The following EPHA5 variants were observed in gnomAD, a reference collection of about 807,000 sequenced individuals.
EPHA5 encodes ephrin type-A receptor 5.
A neutral mutation model predicts 105.0 loss-of-function variants in EPHA5; 60 were observed. That is an observed-to-expected ratio of 0.57 (90% CI 0.46 to 0.71). EPHA5 has a LOEUF of 0.71. Ranked by LOEUF, EPHA5 falls within the 30% of genes least tolerant of loss-of-function variation. The probability of loss-of-function intolerance (pLI) is 0.00; values close to 1 mark genes in which losing one functional copy is unlikely to be tolerated. For missense variants in EPHA5, 1,218 were observed against 1,274.7 expected, an observed-to-expected ratio of 0.96 and a Z score of 0.68; for synonymous variants, 513 against 449.1, an observed-to-expected ratio of 1.14 and a Z score of -1.80.
At chr4:65,399,468 G>A (rs78922971) in intron 8 of EPHA5, among the ~76,000 whole-genome samples, 2,538 of 152,300 alleles carry the variant, frequency 0.017, 61 homozygotes, top group African/African-American at 0.058. Context: ...CAAAACTCAG[G>A]CAAAGGTGCC....
chr4:65,353,793 C>G (rs1723052872), intron 11 of EPHA5, among the ~76,000 whole-genome samples: 1 of 151,714 alleles, frequency 6.6e-6, no homozygotes, highest in Admixed American at 6.6e-5. Context: ...AACTCCTTTC[C>G]TTATGGCTAC....
chr4:65,617,503 A>G (rs1052760580), intron 2 of EPHA5, among the ~76,000 whole-genome samples: 1 of 152,162 alleles, frequency 6.6e-6, no homozygotes, highest in African/African-American at 2.4e-5. Context: ...CTTTACTGGT[A>G]GTGTACTGGG....
intron 5 of EPHA5, among the ~76,000 whole-genome samples, chr4:65,447,748 A>G (rs1481687457): frequency 1.3e-5 from 2 of 151,990 alleles, no homozygotes; most frequent in Admixed American, 6.6e-5. Context: ...ACTAAAAACA[A>G]TTGGGAATTT....
intron 3 of EPHA5, among the ~76,000 whole-genome samples, chr4:65,497,611 C>T (rs1001909316): frequency 6.6e-6 from 1 of 151,932 alleles, no homozygotes; most frequent in Non-Finnish European, 1.5e-5. Context: ...ACACTATTTG[C>T]TTTCAAAGAC....
intron 8 of EPHA5, among the ~76,000 whole-genome samples, chr4:65,398,219 G>C (rs571846879): frequency 6.6e-6 from 1 of 152,168 alleles, no homozygotes; most frequent in African/African-American, 2.4e-5. Context: ...TCTGATTTTG[G>C]AGCAAAGTTG....
intron 3 of EPHA5, among the ~76,000 whole-genome samples, chr4:65,579,317 A>AG (rs1478376913): frequency 1.4e-4 from 21 of 148,298 alleles, no homozygotes; most frequent in Non-Finnish European, 2.4e-4. Context: ...TGTAATTGAG[A>AG]GGGGAATAAC....
At chr4:65,366,305 A>C (rs1281295432) in intron 9 of EPHA5, among the ~76,000 whole-genome samples, 1 of 151,810 alleles carries the variant, frequency 6.6e-6, no homozygotes, top group Non-Finnish European at 1.5e-5. Context: ...TCTCAATCAT[A>C]ATACTTAGAA....
chr4:65,471,728 C>A (rs746010258), intron 5 of EPHA5, among the ~76,000 whole-genome samples: 1 of 152,110 alleles, frequency 6.6e-6, no homozygotes, highest in Non-Finnish European at 1.5e-5. Context: ...TTTTTCATCA[C>A]TCACTATCAC....
chr4:65,333,358 A>G (rs539497735), intron 15 of EPHA5, among the ~76,000 whole-genome samples: 66 of 151,846 alleles, frequency 4.3e-4, no homozygotes, highest in African/African-American at 1.4e-3. Flanking sequence ...ACTCTAGTTG[A>G]GATGGTCAAT....
At chr4:65,646,620 C>G (rs1355664678) in intron 1 of EPHA5, among the ~76,000 whole-genome samples, 4 of 152,024 alleles carry the variant, frequency 2.6e-5, no homozygotes, top group Admixed American at 2.0e-4. Flanking sequence ...TGTTATATAC[C>G]TATTGATGCC....
At chr4:65,634,431 G>C (rs1027273685) in intron 2 of EPHA5, among the ~76,000 whole-genome samples, 1 of 151,938 alleles carries the variant, frequency 6.6e-6, no homozygotes, top group Admixed American at 6.6e-5. Flanking sequence ...CAGAAGCAGA[G>C]AAGAACATTT....
chr4:65,395,280 C>T (rs1721105143), intron 8 of EPHA5, among the ~76,000 whole-genome samples: 1 of 152,126 alleles, frequency 6.6e-6, no homozygotes, highest in South Asian at 2.1e-4. Context: ...AGTTTGACTA[C>T]TTATCACGCT....
chr4:65,511,154 C>A (rs1733587672), intron 3 of EPHA5, among the ~76,000 whole-genome samples: 1 of 152,118 alleles, frequency 6.6e-6, no homozygotes, highest in African/African-American at 2.4e-5. Flanking sequence ...TAAATTTCTG[C>A]TGCTTAAGCC....
chr4:65,580,667 C>T (rs1741526215), intron 3 of EPHA5, among the ~76,000 whole-genome samples: 1 of 151,742 alleles, frequency 6.6e-6, no homozygotes, highest in African/African-American at 2.4e-5. Context: ...AAAATTAGGA[C>T]TTAAATTTAC....
rs75032713 is a variant in EPHA5 at position 65,338,222 on chromosome 4, G to A, written c.2596-2097C>T. ...AAATTATCATTTGCACACATAGATC[G>A]ATAGAAGTTTATTTATTGGTTTGCT... On this transcript the variant is annotated intron_variant, in intron 14 of 16. Coordinates refer to ENST00000613740, the MANE Select transcript of EPHA5 (RefSeq NM_001281766.3). 5.1e-3 allele frequency among the ~76,000 whole-genome samples: 779 copies of A among 152,066 alleles called. 22 individuals are homozygous for A. The East Asian group carries it at 0.068, about 13-fold the overall frequency.
intron 3 of EPHA5, among the ~76,000 whole-genome samples, chr4:65,546,512 G>GT (rs1560678601): frequency 6.6e-6 from 1 of 151,760 alleles, no homozygotes; most frequent in Non-Finnish European, 1.5e-5. Context: ...AATGGTTCTT[G>GT]TTTTTTTCTC....
chr4:65,669,824 CGGGAGTCCT>C lies in EPHA5; in HGVS notation c.-91_-83del. 1 of 1,233,222 alleles carries C rather than the reference CGGGAGTCCT, an allele frequency of 8.1e-7. No individual in the cohort carries two copies. Among genetic ancestry groups the C allele is most frequent in the Non-Finnish European group, 1.0e-6 (1 of 988,874 alleles). The allele number at this position is 1,233,222 out of a possible 1,614,324, so 76.4% of individuals were successfully genotyped here. ...CCTCGCAGAGCGGCGAAGGGAGACT[CGGGAGTCCT>C]CCTTGTCCCCCCTTGGGGTCCTACG... On this transcript the variant is annotated 5_prime_UTR_variant, in exon 1 of 17. Coordinates refer to ENST00000613740, the MANE Select transcript of EPHA5 (RefSeq NM_001281766.3).
chr4:65,470,869 A>T (rs1272385437), intron 5 of EPHA5, among the ~76,000 whole-genome samples: 1 of 152,206 alleles, frequency 6.6e-6, no homozygotes, highest in Non-Finnish European at 1.5e-5. Context: ...ATGAACTGTA[A>T]CCTAACTTAA....
chr4:65,463,396 T>C (rs570818102), intron 5 of EPHA5, among the ~76,000 whole-genome samples: 1 of 152,296 alleles, frequency 6.6e-6, no homozygotes, highest in East Asian at 1.9e-4. Context: ...TTTTAGTTAC[T>C]TAAAATGTTC....
Sources: gnomAD v4.1 joint callset for allele counts (sites outside exome capture counted in the v4.1 genomes callset) on GRCh38, gnomAD v4.1.1 for gene constraint, MANE v1.5 for transcripts, NCBI Gene and HGNC (gene_info 2026-07-23, HGNC 2026-07-21) for gene names.